The following GRM7 variants were observed in gnomAD, a reference collection of about 807,000 sequenced individuals.
The protein encoded by GRM7 is metabotropic glutamate receptor 7.
A neutral mutation model predicts 84.5 loss-of-function variants in GRM7; 35 were observed. The ratio of observed to expected loss-of-function variants is 0.41; its 90% confidence interval spans 0.32 to 0.55. GRM7 has a LOEUF of 0.55. GRM7 is among the 20% of genes least tolerant of loss of function. The pLI is 0.19. For missense variants in GRM7, 1,003 were observed against 1,194.6 expected, an observed-to-expected ratio of 0.84 and a Z score of 2.36; for synonymous variants, 487 against 455.1, an observed-to-expected ratio of 1.07 and a Z score of -0.89.
chr3:7,407,870 A>C (rs1395951500), intron 4 of GRM7, among the ~76,000 whole-genome samples: 3 of 152,234 alleles, frequency 2.0e-5, no homozygotes, highest in Admixed American at 6.5e-5. Flanking sequence ...AAGTTTCTTA[A>C]ATTTTTTGTT....
At chr3:6,995,188 T>G (rs777810238) in intron 1 of GRM7, among the ~76,000 whole-genome samples, 14 of 152,220 alleles carry the variant, frequency 9.2e-5, no homozygotes, top group African/African-American at 1.2e-4. Flanking sequence ...GATAAATGCA[T>G]TTTATTTGGA....
At chr3:6,999,862 G>A (rs973083542) in intron 1 of GRM7, among the ~76,000 whole-genome samples, 2 of 151,980 alleles carry the variant, frequency 1.3e-5, no homozygotes, top group African/African-American at 4.8e-5. Flanking sequence ...GGGGATTATG[G>A]GAATTGCAAT....
At chr3:7,013,769 T>C (rs1374497502) in intron 1 of GRM7, among the ~76,000 whole-genome samples, 1 of 151,482 alleles carries the variant, frequency 6.6e-6, no homozygotes, top group Non-Finnish European at 1.5e-5. Context: ...TCTCTTACAA[T>C]TTTTTTTTAA....
chr3:7,081,065 G>C (rs1259715802), intron 1 of GRM7, among the ~76,000 whole-genome samples: 2 of 151,946 alleles, frequency 1.3e-5, no homozygotes, highest in African/African-American at 4.8e-5. Flanking sequence ...CTCCCCCCTT[G>C]TTGTCTCCCC....
At chr3:6,905,865 T>C (rs975235432) in intron 1 of GRM7, among the ~76,000 whole-genome samples, 5 of 152,226 alleles carry the variant, frequency 3.3e-5, no homozygotes, top group Admixed American at 2.6e-4. Flanking sequence ...GAAATGATGG[T>C]ATGATTTTCT....
At chr3:6,875,339 C>T (rs182940697) in intron 1 of GRM7, among the ~76,000 whole-genome samples, 1 of 151,928 alleles carries the variant, frequency 6.6e-6, no homozygotes, top group African/African-American at 2.4e-5. Context: ...TGTAATAATC[C>T]CCATGTGCTG....
chr3:7,322,717 G>T (rs1700833137), intron 4 of GRM7, among the ~76,000 whole-genome samples: 1 of 151,976 alleles, frequency 6.6e-6, no homozygotes, highest in Non-Finnish European at 1.5e-5. Flanking sequence ...CATCCAGGTT[G>T]CTGACGATGC....
chr3:7,615,201 T>C (rs1293913078), intron 8 of GRM7, among the ~76,000 whole-genome samples: 1 of 152,174 alleles, frequency 6.6e-6, no homozygotes, highest in Non-Finnish European at 1.5e-5. Context: ...GTATTCTTCC[T>C]CCCTTAGAGT....
chr3:7,167,331 A>T (rs573902550), intron 2 of GRM7, among the ~76,000 whole-genome samples: 1 of 152,308 alleles, frequency 6.6e-6, no homozygotes, highest in East Asian at 1.9e-4. Flanking sequence ...TGTTGTGATG[A>T]TAGCCTCACT....
intron 1 of GRM7, among the ~76,000 whole-genome samples, chr3:7,026,015 C>T (rs759014641): frequency 6.6e-6 from 1 of 152,182 alleles, no homozygotes; most frequent in Non-Finnish European, 1.5e-5. Flanking sequence ...TCCCCCAACA[C>T]CCCTGACAAT....
At chr3:7,432,530 C>T (rs1365355514) in intron 5 of GRM7, among the ~76,000 whole-genome samples, 2 of 151,992 alleles carry the variant, frequency 1.3e-5, no homozygotes, top group Non-Finnish European at 2.9e-5. Flanking sequence ...CCATGTTAGC[C>T]AGGCTGGTCT....
intron 1 of GRM7, among the ~76,000 whole-genome samples, chr3:6,994,768 T>C (rs1397115099): frequency 6.6e-6 from 1 of 152,238 alleles, no homozygotes; most frequent in Non-Finnish European, 1.5e-5. Context: ...TTGTACCACC[T>C]GACCATATAG....
At chr3:6,956,442 A>G in intron 1 of GRM7, 3 of 415,132 alleles carry the variant, frequency 7.2e-6, no homozygotes, top group South Asian at 5.4e-5. Context: ...TCTCTCTAAG[A>G]CTTTGGGCAA....
chr3:7,328,187 AT>A (rs1426717006), intron 4 of GRM7, among the ~76,000 whole-genome samples: 45 of 152,328 alleles, frequency 3.0e-4, no homozygotes, highest in Non-Finnish European at 2.9e-5. Context: ...TAAAAGGCTG[AT>A]TTACCAAGGT....
intron 1 of GRM7, among the ~76,000 whole-genome samples, chr3:6,910,039 A>G (rs1473444022): frequency 6.6e-6 from 1 of 152,090 alleles, no homozygotes; most frequent in Non-Finnish European, 1.5e-5. Flanking sequence ...TATAAGATAC[A>G]TGATGTCAGC....
intron 2 of GRM7, among the ~76,000 whole-genome samples, chr3:7,231,021 C>T (rs192084301): frequency 1.9e-4 from 29 of 152,232 alleles, no homozygotes; most frequent in Admixed American, 5.9e-4. Flanking sequence ...AATAGGGTTA[C>T]ATTTGGAGCT....
intron 1 of GRM7, among the ~76,000 whole-genome samples, chr3:7,124,327 C>G (rs1202075984): frequency 6.6e-6 from 1 of 152,070 alleles, no homozygotes; most frequent in Non-Finnish European, 1.5e-5. Context: ...CCTTTTATCT[C>G]ACAGAGTAGA....
intron 1 of GRM7, among the ~76,000 whole-genome samples, chr3:7,100,205 C>T (rs1422034842): frequency 2.0e-5 from 3 of 151,442 alleles, no homozygotes; most frequent in Non-Finnish European, 3.0e-5. Context: ...TTTTATGTTT[C>T]TTGTGCACTT....
intron 1 of GRM7, among the ~76,000 whole-genome samples, chr3:6,877,567 G>A (rs1695355372): frequency 6.6e-6 from 1 of 152,150 alleles, no homozygotes; most frequent in African/African-American, 2.4e-5. Context: ...TGGCAATGGG[G>A]CCTAGCATCA....
Sources: allele counts gnomAD v4.1 joint callset (sites outside exome capture counted in the v4.1 genomes callset), GRCh38; gene constraint gnomAD v4.1.1; transcripts MANE v1.5; gene names NCBI Gene and HGNC (gene_info 2026-07-23, HGNC 2026-07-21).